The following MCU variants were observed in gnomAD, a reference collection of about 807,000 sequenced individuals.
MCU encodes mitochondrial calcium uniporter.
In MCU, 12 loss-of-function variants were observed where a neutral mutation model predicts 45.2. The ratio of observed to expected loss-of-function variants is 0.27; its 90% CI spans 0.17 to 0.43. The LOEUF is 0.43. MCU is among the 20% of genes least tolerant of loss of function. The pLI, the probability that MCU is intolerant of heterozygous loss-of-function variation, is 1.00. For missense variants in MCU, 324 were observed against 436.7 expected (o/e 0.74, Z 2.30); for synonymous variants, 160 against 165.1 (o/e 0.97, Z 0.24).
chr10:72,858,286 A>C (rs974490103), intron 2 of MCU, among the ~76,000 whole-genome samples: 1 of 152,214 alleles, frequency 6.6e-6, no homozygotes, highest in African/African-American at 2.4e-5. Flanking sequence ...TCCCGTGTAC[A>C]AAAAATGGCT....
chr10:72,701,923 C>T (rs999124377), intron 1 of MCU, among the ~76,000 whole-genome samples: 2 of 151,954 alleles, frequency 1.3e-5, no homozygotes, highest in African/African-American at 2.4e-5. Context: ...TGGAGATATT[C>T]CTAATTTAGT....
rs149065645 is a variant in MCU, at chr10:72,814,385, T to G, written c.151-19974T>G. Among the ~76,000 whole-genome samples the G allele has an allele frequency of 4.2e-3, 637 of 150,682 alleles. 4 individuals are homozygous for G. Among genetic ancestry groups the G allele is most frequent in the African/African-American group, 0.014 (568 of 40,882 alleles). ...ACACTGCTGACATTGGAGTTTTTTG[T>G]TTTTTTTTAATATATCTTTCATTCC... On this transcript the variant is annotated intron_variant, in intron 1 of 7. Coordinates refer to ENST00000373053, the MANE Select transcript of MCU (RefSeq NM_138357.3).
chr10:72,880,486 G>T (rs1160902638), intron 6 of MCU, among the ~76,000 whole-genome samples: 1 of 151,732 alleles, frequency 6.6e-6, no homozygotes, highest in African/African-American at 2.4e-5. Context: ...AGCGGGGGGG[G>T]GGAAACCCTA....
chr10:72,720,407 T>C (rs1040020982), intron 1 of MCU, among the ~76,000 whole-genome samples: 2 of 152,208 alleles, frequency 1.3e-5, no homozygotes, highest in Non-Finnish European at 2.9e-5. Flanking sequence ...TGTCTCCCCA[T>C]GCTCCTGAAT....
At chr10:72,814,648 C>A (rs575701841) in intron 1 of MCU, among the ~76,000 whole-genome samples, 1 of 152,136 alleles carries the variant, frequency 6.6e-6, no homozygotes, top group Non-Finnish European at 1.5e-5. Flanking sequence ...GCATAACTTG[C>A]CAAATACATA....
chr10:72,735,683 C>T (rs1452227788), intron 1 of MCU, among the ~76,000 whole-genome samples: 1 of 152,096 alleles, frequency 6.6e-6, no homozygotes, highest in Non-Finnish European at 1.5e-5. Context: ...GAGTGGACTG[C>T]CTTGGGAGGT....
chr10:72,830,373 C>A lies in MCU; in HGVS notation c.151-3986C>A, dbSNP rs147026771. Among the ~76,000 whole-genome samples the A allele has an allele frequency of 6.0e-3, 906 of 152,216 alleles. 12 individuals carry two copies. The highest frequency in any genetic ancestry group is 0.021 in the African/African-American group (854 of 41,516). On this transcript the variant is annotated intron_variant, in intron 1 of 7. Coordinates refer to ENST00000373053, the MANE Select transcript of MCU (RefSeq NM_138357.3). ...ATTATTGTCAAGGATAATTTATGAA[C>A]TCATAGAGGACAGAGGATTTCTGTT...
chr10:72,774,465 AC>A (rs1843860150), intron 1 of MCU, among the ~76,000 whole-genome samples: 1 of 152,162 alleles, frequency 6.6e-6, no homozygotes, highest in African/African-American at 2.4e-5. Context: ...AAGTCACTTA[AC>A]CACAAAGGAA....
At chr10:72,846,900 G>C (rs753699578) in intron 2 of MCU, among the ~76,000 whole-genome samples, 2 of 152,180 alleles carry the variant, frequency 1.3e-5, no homozygotes, top group Non-Finnish European at 2.9e-5. Flanking sequence ...CCTAAAAGTA[G>C]GAGATCTTAG....
chr10:72,763,736 G>GGA (rs1189685585), intron 1 of MCU, among the ~76,000 whole-genome samples: 1 of 152,100 alleles, frequency 6.6e-6, no homozygotes, highest in African/African-American at 2.4e-5. Context: ...GTCTGGAGGG[G>GGA]GAATAGGCTG....
At position 72,834,327 on chromosome 10, in the gene MCU, C is replaced by G. The variant is rs201520246; in HGVS notation, c.151-32C>G. 280 of 1,554,864 alleles carry G rather than the reference C, an allele frequency of 1.8e-4. No homozygotes were observed. The African/African-American group carries it at 3.5e-3, about 19-fold the overall frequency. On this transcript the variant is annotated intron_variant, in intron 1 of 7. Transcript: ENST00000373053. Reference sequence around the variant, plus strand: ...ATAAGTATATGTTTGTTGTTCCATTCTGACAGTAGATGTATCTTTTGTGTT... The same window carrying G: ...ATAAGTATATGTTTGTTGTTCCATTGTGACAGTAGATGTATCTTTTGTGTT...
In MCU at chr10:72,791,496, T is replaced by G. The variant is rs146318465; in HGVS notation, c.151-42863T>G. On this transcript the variant is annotated intron_variant, in intron 1 of 7. Coordinates refer to ENST00000373053, the MANE Select transcript of MCU (RefSeq NM_138357.3). ...AATTCTCTTTAGATAATGTTTCTCT[T>G]TAGATAATGTTTCTCTTTTCAAGAA... Among the ~76,000 whole-genome samples, 853 of 152,340 alleles carry G rather than the reference T, an allele frequency of 5.6e-3. 11 individuals carry two copies. Among genetic ancestry groups the G allele is most frequent in the African/African-American group, 0.019 (803 of 41,580 alleles).
At chr10:72,878,141 C>CAA (rs1352340583) in intron 6 of MCU, among the ~76,000 whole-genome samples, 15 of 101,158 alleles carry the variant, frequency 1.5e-4, no homozygotes, top group African/African-American at 6.2e-4. Flanking sequence ...TTTTTTGAGA[C>CAA]AGAGTCCTAC....
chr10:72,769,932 A>G (rs539581121), intron 1 of MCU, among the ~76,000 whole-genome samples: 2 of 152,208 alleles, frequency 1.3e-5, no homozygotes, highest in Non-Finnish European at 2.9e-5. Flanking sequence ...AGGTATTTAC[A>G]ACTATAAATT....
chr10:72,812,699 A>G (rs995047918), intron 1 of MCU, among the ~76,000 whole-genome samples: 5 of 152,232 alleles, frequency 3.3e-5, no homozygotes, highest in Admixed American at 1.3e-4. Context: ...GTTTTCTGAC[A>G]TAACTTTCTA....
chr10:72,781,350 C>T (rs1392564432), intron 1 of MCU, among the ~76,000 whole-genome samples: 3 of 152,180 alleles, frequency 2.0e-5, no homozygotes, highest in Non-Finnish European at 4.4e-5. Context: ...CTTAACTTTG[C>T]CTCTGACACT....
chr10:72,862,366 C>G (rs909691889), intron 4 of MCU, among the ~76,000 whole-genome samples: 4 of 152,182 alleles, frequency 2.6e-5, no homozygotes, highest in Admixed American at 2.6e-4. Flanking sequence ...CCTTCCACCA[C>G]TCCTTCCACC....
At chr10:72,779,137 T>G (rs1397321392) in intron 1 of MCU, among the ~76,000 whole-genome samples, 1 of 152,124 alleles carries the variant, frequency 6.6e-6, no homozygotes, top group Admixed American at 6.5e-5. Context: ...GCCCAGCTAA[T>G]TTTTGTATTT....
chr10:72,705,853 C>T (rs973810377), intron 1 of MCU, among the ~76,000 whole-genome samples: 6 of 149,554 alleles, frequency 4.0e-5, no homozygotes, highest in Admixed American at 6.7e-5. Flanking sequence ...TGGGTGCACA[C>T]GCCTGTAATT....
Sources: allele counts gnomAD v4.1 joint callset (sites outside exome capture counted in the v4.1 genomes callset), GRCh38; gene constraint gnomAD v4.1.1; transcripts MANE v1.5; gene names NCBI Gene and HGNC (gene_info 2026-07-23, HGNC 2026-07-21).